The following MBNL1 variants were observed in gnomAD, a reference collection of about 807,000 sequenced individuals.
The protein encoded by MBNL1 is muscleblind like splicing regulator 1.
A neutral mutation model predicts 42.2 loss-of-function variants in MBNL1; 8 were observed. That is an observed-to-expected ratio of 0.19 (90% CI 0.11 to 0.34). MBNL1 has a LOEUF of 0.34. Among genes scored for constraint, MBNL1 ranks in the 10% least tolerant of loss-of-function variants. The pLI, the probability that MBNL1 is intolerant of heterozygous loss-of-function variation, is 1.00. For synonymous variants in MBNL1, 169 were observed against 173.9 expected, an observed-to-expected ratio of 0.97 and a Z score of 0.22; for missense variants, 309 against 495.3, an observed-to-expected ratio of 0.62 and a Z score of 3.57.
chr3:152,419,961 TC>T (rs1361095972), intron 3 of MBNL1, among the ~76,000 whole-genome samples: 2 of 152,100 alleles, frequency 1.3e-5, no homozygotes, highest in African/African-American at 4.8e-5. Flanking sequence ...GTAGGCGGTT[TC>T]CCCTCACGAT....
chr3:152,400,482 T>A (rs976703707), intron 2 of MBNL1, among the ~76,000 whole-genome samples: 18 of 152,330 alleles, frequency 1.2e-4, no homozygotes, highest in Middle Eastern at 3.4e-3. Flanking sequence ...TTGCTATAAA[T>A]AACACTGATA....
At chr3:152,333,714 G>T (rs1012794937) in intron 2 of MBNL1, among the ~76,000 whole-genome samples, 2 of 152,146 alleles carry the variant, frequency 1.3e-5, no homozygotes, top group Non-Finnish European at 2.9e-5. Flanking sequence ...AGAACTTGTG[G>T]AATTTCAGGG....
intron 2 of MBNL1, among the ~76,000 whole-genome samples, chr3:152,404,258 A>T (rs1328471300): frequency 6.6e-6 from 1 of 152,248 alleles, no homozygotes; most frequent in Non-Finnish European, 1.5e-5. Flanking sequence ...AAAATTTTAC[A>T]CATCTGCTAC....
Position 152,445,345 on chromosome 3 carries a change from CCTG to C in MBNL1, c.617_619del (p.Ala206del), listed in dbSNP as rs1560625293. On this transcript the variant is annotated inframe_deletion, in exon 5 of 10. Transcript: ENST00000324210. ...AGAAAATGATTGTCGGTTTGCTCAT[CCTG>C]CTGACAGCACAATGATTGACACCAA... 1 of 1,614,008 alleles carries C rather than the reference CCTG, an allele frequency of 6.2e-7. No individual in the cohort carries two copies. Among genetic ancestry groups the C allele is most frequent in the Non-Finnish European group, 8.5e-7 (1 of 1,179,934 alleles).
At chr3:152,459,625 G>T (rs543893307) in intron 9 of MBNL1, among the ~76,000 whole-genome samples, 1 of 152,006 alleles carries the variant, frequency 6.6e-6, no homozygotes, top group Admixed American at 6.6e-5. Context: ...TAATTAGAAG[G>T]TGTAGATCAA....
At chr3:152,424,049 A>T (rs2098850003) in intron 3 of MBNL1, among the ~76,000 whole-genome samples, 2 of 152,184 alleles carry the variant, frequency 1.3e-5, no homozygotes, top group Non-Finnish European at 2.9e-5. Context: ...CACCACTCCT[A>T]TTCAACATAG....
intron 7 of MBNL1, among the ~76,000 whole-genome samples, 191 bp from the exon 8 acceptor site, chr3:152,456,075 TC>T (rs898075217): frequency 6.6e-6 from 1 of 152,010 alleles, no homozygotes; most frequent in African/African-American, 2.4e-5. Flanking sequence ...CTTTCATCCC[TC>T]CTCCCCTTCT....
chr3:152,389,966 C>G (rs2097628075), intron 2 of MBNL1, among the ~76,000 whole-genome samples: 1 of 151,902 alleles, frequency 6.6e-6, no homozygotes, highest in African/African-American at 2.4e-5. Context: ...ACATATGCCT[C>G]CCGGGTTCAA....
intron 1 of MBNL1, among the ~76,000 whole-genome samples, chr3:152,297,426 A>G (rs769502624): frequency 6.9e-6 from 1 of 145,572 alleles, no homozygotes; most frequent in Non-Finnish European, 1.5e-5. Flanking sequence ...TCACTGCAAC[A>G]TTCACCTCCC....
intron 2 of MBNL1, among the ~76,000 whole-genome samples, chr3:152,307,786 C>T (rs895973377): frequency 9.2e-5 from 14 of 152,116 alleles, no homozygotes; most frequent in African/African-American, 3.4e-4. Flanking sequence ...GAAAATATAA[C>T]TAACAGCAGT....
intron 4 of MBNL1, among the ~76,000 whole-genome samples, chr3:152,439,614 A>T (rs1161250752): frequency 6.6e-6 from 1 of 152,216 alleles, no homozygotes; most frequent in Non-Finnish European, 1.5e-5. Context: ...TCACATCTTC[A>T]TTTAAACAAT....
chr3:152,289,415 T>G (rs1442364574), intron 1 of MBNL1, among the ~76,000 whole-genome samples: 1 of 152,134 alleles, frequency 6.6e-6, no homozygotes, highest in Non-Finnish European at 1.5e-5. Context: ...TGAAACCTTC[T>G]TCCAAGGATA....
intron 1 of MBNL1, among the ~76,000 whole-genome samples, chr3:152,285,629 AT>A (rs35445762): frequency 2.3e-3 from 301 of 128,950 alleles, no homozygotes; most frequent in South Asian, 0.02. Flanking sequence ...TTTTTTTTCA[AT>A]TTTTTTTTTT....
Position 152,311,836 on chromosome 3 carries a change from A to G in MBNL1, c.174+11469A>G, listed in dbSNP as rs553245338. Among the ~76,000 whole-genome samples, 7 of 152,130 alleles carry G rather than the reference A, an allele frequency of 4.6e-5. No homozygotes were observed. In the South Asian group the frequency reaches 1.5e-3, roughly 32 times the overall value. On this transcript the variant is annotated intron_variant, in intron 2 of 9. Transcript: ENST00000324210. The stretch of plus-strand genomic sequence containing the variant: ...TCTCAAAAAACATGGGTTTGAGAAG[A>G]TGAAATTTCTGGGCATACTGGGTAT...
chr3:152,355,560 A>G (rs1019146329), intron 2 of MBNL1, among the ~76,000 whole-genome samples: 2 of 152,182 alleles, frequency 1.3e-5, no homozygotes, highest in Non-Finnish European at 2.9e-5. Context: ...AGTAACATTT[A>G]AGTTTTATAA....
chr3:152,339,441 G>A (rs1484170365), intron 2 of MBNL1, among the ~76,000 whole-genome samples: 2 of 151,944 alleles, frequency 1.3e-5, no homozygotes, highest in East Asian at 3.9e-4. Flanking sequence ...AGTGTTATGA[G>A]TTTGTGACAG....
chr3:152,319,389 A>G (rs1169453897), intron 2 of MBNL1, among the ~76,000 whole-genome samples: 3 of 152,066 alleles, frequency 2.0e-5, no homozygotes, highest in Admixed American at 2.0e-4. Flanking sequence ...AGGAGTGGTG[A>G]GGTTAGGGTT....
chr3:152,443,836 G>A (rs1469422192), intron 4 of MBNL1, among the ~76,000 whole-genome samples: 2 of 152,110 alleles, frequency 1.3e-5, no homozygotes, highest in African/African-American at 2.4e-5. Context: ...CTCATTGTAT[G>A]TATTTGGAAC....
chr3:152,419,685 T>TTTTGTTTG (rs137968164), intron 3 of MBNL1, among the ~76,000 whole-genome samples: 48 of 149,312 alleles, frequency 3.2e-4, no homozygotes, highest in African/African-American at 7.7e-4. Context: ...GCAGGAGTTT[T>TTTTGTTTG]TTTGTTTGTT....
Sources: allele counts gnomAD v4.1 joint callset (sites outside exome capture counted in the v4.1 genomes callset), GRCh38; gene constraint gnomAD v4.1.1; transcripts MANE v1.5; gene names NCBI Gene and HGNC (gene_info 2026-07-23, HGNC 2026-07-21).